HEMK2: variants seen among roughly 807,000 people sequenced by gnomAD.
HEMK2 encodes the protein HemK methyltransferase 2, ETF1 glutamine and histone H4 lysine.
the HEMK2 span, among the ~76,000 whole-genome samples, chr21:28,609,869 T>A: frequency 3.9e-4 from 60 of 152,002 alleles, no homozygotes; most frequent in South Asian, 0.011. Context: ...AGACAAAAAA[T>A]TTTTTTAAAG....
the HEMK2 span, among the ~76,000 whole-genome samples, chr21:28,741,408 G>A: frequency 0.23 from 34,769 of 152,014 alleles, 4,613 homozygotes; most frequent in African/African-American, 0.35. Context: ...TTTATTTTAA[G>A]ATTTTAAGTT....
the HEMK2 span, among the ~76,000 whole-genome samples, chr21:28,672,326 AT>A: frequency 1.3e-5 from 2 of 151,978 alleles, no homozygotes; most frequent in Admixed American, 6.6e-5. Flanking sequence ...TGGGTGTTAA[AT>A]TTCCACTGGA....
At chr21:28,617,606 A>C in the HEMK2 span, among the ~76,000 whole-genome samples, 1 of 152,302 alleles carries the variant, frequency 6.6e-6, no homozygotes, top group South Asian at 2.1e-4. Context: ...GTCTCTTCAC[A>C]ATCCAAACAA....
chr21:28,586,825 G>A, the HEMK2 span, among the ~76,000 whole-genome samples: 1 of 152,056 alleles, frequency 6.6e-6, no homozygotes, highest in African/African-American at 2.4e-5. Context: ...TTCTCACAGG[G>A]GGGTAATGAA....
chr21:28,811,479 G>T, the HEMK2 span, among the ~76,000 whole-genome samples: 559 of 151,436 alleles, frequency 3.7e-3, 3 homozygotes, highest in African/African-American at 0.013. Flanking sequence ...GGGAAAGAAA[G>T]AAAAGAAAGA....
chr21:28,682,640 T>G, the HEMK2 span, among the ~76,000 whole-genome samples: 1 of 152,200 alleles, frequency 6.6e-6, no homozygotes, highest in African/African-American at 2.4e-5. Context: ...TAGCAACGAC[T>G]TGGAACCAAG....
At chr21:28,838,972 A>AAAATATATATATATATATAT in the HEMK2 span, among the ~76,000 whole-genome samples, 3 of 29,152 alleles carry the variant, frequency 1.0e-4, no homozygotes, top group African/African-American at 1.9e-4. Flanking sequence ...AAAAAAAAAA[A>AAAATATATATATATATATAT]ATATATATAT....
At chr21:28,626,226 G>A in the HEMK2 span, among the ~76,000 whole-genome samples, 1 of 152,118 alleles carries the variant, frequency 6.6e-6, no homozygotes, top group Non-Finnish European at 1.5e-5. Context: ...AAACTATTAT[G>A]CGGTTATTGC....
chr21:28,587,319 T>C, the HEMK2 span, among the ~76,000 whole-genome samples: 1 of 152,164 alleles, frequency 6.6e-6, no homozygotes, highest in African/African-American at 2.4e-5. Flanking sequence ...ATTAAATTGA[T>C]TTTTTATTAT....
the HEMK2 span, among the ~76,000 whole-genome samples, chr21:28,610,478 T>C: frequency 1.3e-5 from 2 of 151,288 alleles, no homozygotes; most frequent in Non-Finnish European, 2.9e-5. Flanking sequence ...ACAGGACCTA[T>C]AAAACAATAC....
At chr21:28,858,854 T>A in the HEMK2 span, among the ~76,000 whole-genome samples, 1 of 152,130 alleles carries the variant, frequency 6.6e-6, no homozygotes, top group Non-Finnish European at 1.5e-5. Context: ...CTCTAAAACA[T>A]AACAACAAAA....
chr21:28,841,176 TA>T, the HEMK2 span, among the ~76,000 whole-genome samples: 34 of 22,246 alleles, frequency 1.5e-3, no homozygotes, highest in East Asian at 0.016. Context: ...ATATAATATA[TA>T]AATATATATT....
chr21:28,733,195 T>C, the HEMK2 span, among the ~76,000 whole-genome samples: 1,160 of 152,068 alleles, frequency 7.6e-3, 15 homozygotes, highest in African/African-American at 0.026. Flanking sequence ...AGGAGAATGG[T>C]GTGAACCCGG....
the HEMK2 span, among the ~76,000 whole-genome samples, chr21:28,761,384 T>C: frequency 6.6e-6 from 1 of 152,102 alleles, no homozygotes; most frequent in African/African-American, 2.4e-5. Flanking sequence ...ATATTAAAAA[T>C]ATTTTTAATT....
chr21:28,780,334 T>C, the HEMK2 span, among the ~76,000 whole-genome samples: 4 of 151,816 alleles, frequency 2.6e-5, no homozygotes, highest in African/African-American at 7.3e-5. Context: ...CGAGCCACCA[T>C]GCCCAGCTAA....
chr21:28,595,133 G>C, the HEMK2 span, among the ~76,000 whole-genome samples: 3 of 152,264 alleles, frequency 2.0e-5, no homozygotes, highest in Non-Finnish European at 2.9e-5. Flanking sequence ...CATGGAAGAT[G>C]GGGTATCTGT....
the HEMK2 span, among the ~76,000 whole-genome samples, chr21:28,771,400 G>T: frequency 2.0e-5 from 3 of 152,082 alleles, no homozygotes; most frequent in Non-Finnish European, 4.4e-5. Flanking sequence ...CCCTGACCAG[G>T]AGACATTTGG....
chr21:28,863,435 T>TAC, the HEMK2 span, among the ~76,000 whole-genome samples: 382 of 77,482 alleles, frequency 4.9e-3, 21 homozygotes, highest in African/African-American at 0.023. Flanking sequence ...TATATATATA[T>TAC]ATATATATAT....
the HEMK2 span, among the ~76,000 whole-genome samples, chr21:28,859,626 T>A: frequency 1.3e-5 from 2 of 152,198 alleles, no homozygotes; most frequent in Admixed American, 6.5e-5. Flanking sequence ...ATCTCTCATC[T>A]ATGGTACCCT....
Sources: gnomAD v4.1 joint callset for allele counts (sites outside exome capture counted in the v4.1 genomes callset) on GRCh38, gnomAD v4.1.1 for gene constraint, MANE v1.5 for transcripts, NCBI Gene and HGNC (gene_info 2026-07-23, HGNC 2026-07-21) for gene names.